The following MSRB3 variants were observed in gnomAD, a reference collection of about 807,000 sequenced individuals.
The protein encoded by MSRB3 is methionine sulfoxide reductase B3.
In MSRB3, 13 loss-of-function variants were observed where a neutral mutation model predicts 21.0. That is an observed-to-expected ratio of 0.62 (90% CI 0.40 to 0.98). The LOEUF (loss-of-function observed/expected upper bound fraction) is 0.98. Ranked by LOEUF, MSRB3 falls within the 50% of genes least tolerant of loss-of-function variation. The pLI is 0.00. For missense variants in MSRB3, 199 were observed against 230.3 expected (o/e 0.86, Z 0.88); for synonymous variants, 87 against 88.6 (o/e 0.98, Z 0.10).
intron 5 of MSRB3, among the ~76,000 whole-genome samples, chr12:65,388,228 G>A (rs1440462370): frequency 6.6e-6 from 1 of 152,148 alleles, no homozygotes; most frequent in Non-Finnish European, 1.5e-5. Flanking sequence ...CAGTGCTTTT[G>A]TGTCCACCAG....
At chr12:65,319,811 T>A (rs867028231) in intron 2 of MSRB3, among the ~76,000 whole-genome samples, 7 of 152,226 alleles carry the variant, frequency 4.6e-5, no homozygotes, top group Admixed American at 1.3e-4. Context: ...TAATACTGTA[T>A]TTGCCCATTT....
Position 65,353,197 on chromosome 12 carries a change from T to G in MSRB3, c.264-15801T>G, listed in dbSNP as rs577153513. On this transcript the variant is annotated intron_variant, in intron 4 of 6. Coordinates refer to ENST00000308259, the MANE Select transcript of MSRB3 (RefSeq NM_001031679.3). ...GGTGTGGTGCTGAAAGGAATGTATA[T>G]TCTGTTGATTTGGGGTGGAAAGTTC... 4.6e-5 allele frequency among the ~76,000 whole-genome samples: 7 copies of G among 152,268 alleles called. No homozygotes were observed. In the South Asian group the frequency reaches 1.5e-3, roughly 32 times the overall value.
intron 1 of MSRB3, among the ~76,000 whole-genome samples, chr12:65,303,200 G>A (rs552756796): frequency 6.6e-6 from 1 of 152,146 alleles, no homozygotes; most frequent in South Asian, 2.1e-4. Flanking sequence ...AGTACAATCA[G>A]CTCATTTATT....
At chr12:65,350,404 TAACGAGCA>T (rs1397791046) in intron 4 of MSRB3, among the ~76,000 whole-genome samples, 3 of 151,546 alleles carry the variant, frequency 2.0e-5, no homozygotes, top group Non-Finnish European at 4.4e-5. Flanking sequence ...CTGCATCAAC[TAACGAGCA>T]AAATCACCAG....
At chr12:65,381,470 AGGCTTAAGATTTTT>A in intron 5 of MSRB3, among the ~76,000 whole-genome samples, 1 of 152,280 alleles carries the variant, frequency 6.6e-6, no homozygotes. Flanking sequence ...ACTTGGTTGC[AGGCTTAAGATTTTT>A]AACATCTTGC....
chr12:65,318,521 T>C (rs1874454571), intron 2 of MSRB3, among the ~76,000 whole-genome samples: 1 of 152,072 alleles, frequency 6.6e-6, no homozygotes, highest in African/African-American at 2.4e-5. Flanking sequence ...TTTTATGGGC[T>C]ATGATGTTCT....
In MSRB3 at chr12:65,441,359, AGTT is replaced by A. The variant is rs559455974; in HGVS notation, c.293-12365_293-12363del. Among the ~76,000 whole-genome samples the A allele has an allele frequency of 1.2e-3, 176 of 152,064 alleles. 1 individual carries two copies. The highest frequency in any genetic ancestry group is 4.1e-3 in the African/African-American group (170 of 41,530). ...CAATGAGGTTTCCTGGAATGTAGGC[AGTT>A]GTTTGGGATTTAGAGAAGACTGTCA... On this transcript the variant is annotated intron_variant, in intron 5 of 6. Transcript: ENST00000308259.
intron 2 of MSRB3, among the ~76,000 whole-genome samples, chr12:65,313,893 T>G (rs972249270): frequency 1.3e-5 from 2 of 152,212 alleles, no homozygotes; most frequent in East Asian, 3.8e-4. Context: ...TGGTATCCAC[T>G]TTTTCCAGTA....
Position 65,349,365 on chromosome 12 carries a change from A to G in MSRB3, c.264-19633A>G, listed in dbSNP as rs894082777. 1.3e-4 allele frequency among the ~76,000 whole-genome samples: 20 copies of G among 152,032 alleles called. No individual in the cohort carries two copies. In the South Asian group the frequency reaches 2.9e-3, roughly 22 times the overall value. On this transcript the variant is annotated intron_variant, in intron 4 of 6. Transcript: ENST00000308259. ...GCTATTGTGAATAATGCCACAATAAACATACGTGTGCATGTGTCTTTATAG... is the reference window on the plus strand; with the variant it reads ...GCTATTGTGAATAATGCCACAATAAGCATACGTGTGCATGTGTCTTTATAG...
chr12:65,419,499 C>T, intron 5 of MSRB3: 1 of 741,122 alleles, frequency 1.3e-6, no homozygotes, highest in Non-Finnish European at 2.5e-6. Flanking sequence ...CAGACTGGCG[C>T]ATGGCCAGCT....
At chr12:65,458,479 T>A (rs946314257) in intron 6 of MSRB3, among the ~76,000 whole-genome samples, 1 of 152,188 alleles carries the variant, frequency 6.6e-6, no homozygotes, top group Non-Finnish European at 1.5e-5. Flanking sequence ...CCACTTTTTC[T>A]AGAAGTGTTG....
chr12:65,438,006 T>G (rs189232875), intron 5 of MSRB3, among the ~76,000 whole-genome samples: 1 of 151,996 alleles, frequency 6.6e-6, no homozygotes. Context: ...TTGTCCCTGA[T>G]GAGATAATTA....
intron 2 of MSRB3, among the ~76,000 whole-genome samples, chr12:65,315,075 T>G (rs1327558434): frequency 6.6e-6 from 1 of 152,194 alleles, no homozygotes; most frequent in Non-Finnish European, 1.5e-5. Context: ...TTTGATGAAT[T>G]TTTACTATCA....
intron 4 of MSRB3, among the ~76,000 whole-genome samples, chr12:65,350,718 C>A (rs556143939): frequency 5.6e-4 from 75 of 134,212 alleles, no homozygotes; most frequent in African/African-American, 2.2e-3. Flanking sequence ...ACAAAGAAGG[C>A]CATTACATAA....
chr12:65,329,587 T>C (rs939221872), intron 4 of MSRB3, among the ~76,000 whole-genome samples: 1 of 151,626 alleles, frequency 6.6e-6, no homozygotes, highest in East Asian at 1.9e-4. Flanking sequence ...GAGGCGGAGG[T>C]TGCAGTCAGC....
At chr12:65,419,341 T>C in intron 5 of MSRB3, 1 of 758,322 alleles carries the variant, frequency 1.3e-6, no homozygotes, top group South Asian at 1.4e-5. Flanking sequence ...GCTGACAATC[T>C]GGGCTTGTAG....
intron 4 of MSRB3, among the ~76,000 whole-genome samples, chr12:65,341,441 G>A (rs1400831989): frequency 2.6e-5 from 4 of 151,590 alleles, no homozygotes; most frequent in Non-Finnish European, 5.9e-5. Flanking sequence ...GATGGTTAAC[G>A]GGTACAAAAA....
intron 4 of MSRB3, among the ~76,000 whole-genome samples, chr12:65,351,269 A>T (rs1406998984): frequency 6.6e-6 from 1 of 150,488 alleles, no homozygotes; most frequent in Non-Finnish European, 1.5e-5. Flanking sequence ...ACCAACGAGA[A>T]CAAAGACACA....
At chr12:65,359,999 C>T (rs1877607900) in intron 4 of MSRB3, among the ~76,000 whole-genome samples, 1 of 151,836 alleles carries the variant, frequency 6.6e-6, no homozygotes, top group Admixed American at 6.6e-5. Context: ...AAGATGTCAC[C>T]AGGTCTGATG....
Sources: allele counts gnomAD v4.1 joint callset (sites outside exome capture counted in the v4.1 genomes callset), GRCh38; gene constraint gnomAD v4.1.1; transcripts MANE v1.5; gene names NCBI Gene and HGNC (gene_info 2026-07-23, HGNC 2026-07-21).